Variants in NOX4 observed in about 807,000 individuals in gnomAD.
NOX4 encodes the protein NADPH oxidase 4.
A neutral mutation model predicts 87.6 loss-of-function variants in NOX4; 69 were observed. The observed-to-expected ratio is 0.79, with a 90% CI of 0.65 to 0.96. The LOEUF (loss-of-function observed/expected upper bound fraction) is 0.96. Ranked by LOEUF, NOX4 falls within the 40% of genes least tolerant of loss-of-function variation. The pLI, the probability that NOX4 is intolerant of heterozygous loss-of-function variation, is 0.00. For missense variants in NOX4, 680 were observed against 681.5 expected, an observed-to-expected ratio of 1.00 and a Z score of 0.02; for synonymous variants, 275 against 238.2, an observed-to-expected ratio of 1.15 and a Z score of -1.42.
intron 11 of NOX4, among the ~76,000 whole-genome samples, chr11:89,394,358 CA>C (rs35087685): frequency 0.56 from 84,923 of 150,446 alleles, 25,559 homozygotes; most frequent in African/African-American, 0.78. Context: ...TAAAAAACAA[CA>C]AAAAAAAAAC....
At chr11:89,484,701 A>C (rs1232353894) in intron 2 of NOX4, among the ~76,000 whole-genome samples, 1 of 152,170 alleles carries the variant, frequency 6.6e-6, no homozygotes, top group East Asian at 1.9e-4. Context: ...AAACTCTATG[A>C]ATCAGTGTCT....
intron 4 of NOX4, among the ~76,000 whole-genome samples, chr11:89,448,907 A>G (rs1431311845): frequency 6.6e-6 from 1 of 152,136 alleles, no homozygotes; most frequent in East Asian, 1.9e-4. Context: ...TAAAATGTTC[A>G]TGCATTTAAA....
the NOX4 span, among the ~76,000 whole-genome samples, chr11:89,564,715 G>A: frequency 1.3e-5 from 2 of 151,352 alleles, no homozygotes; most frequent in Non-Finnish European, 2.9e-5. Context: ...TTCTAATTTT[G>A]GAGGAGTTTT....
intron 12 of NOX4, among the ~76,000 whole-genome samples, chr11:89,366,443 C>G (rs966304301): frequency 1.1e-4 from 17 of 151,860 alleles, no homozygotes; most frequent in African/African-American, 3.6e-4. Flanking sequence ...TTTGGGAGGC[C>G]GAGGTGGGCT....
the NOX4 span, among the ~76,000 whole-genome samples, chr11:89,519,265 C>T: frequency 6.6e-6 from 1 of 151,858 alleles, no homozygotes; most frequent in Non-Finnish European, 1.5e-5. Flanking sequence ...TAGAAAATAT[C>T]TTGTATTTTT....
chr11:89,426,722 T>C (rs539369679), intron 7 of NOX4, among the ~76,000 whole-genome samples: 1 of 152,218 alleles, frequency 6.6e-6, no homozygotes, highest in South Asian at 2.1e-4. Context: ...CAAAGTGGCC[T>C]GGATGCTCAA....
At chr11:89,566,047 T>C in the NOX4 span, among the ~76,000 whole-genome samples, 2 of 148,910 alleles carry the variant, frequency 1.3e-5, no homozygotes, top group East Asian at 3.9e-4. Context: ...TTTTTTCTTT[T>C]TTTTTTTTTT....
intron 12 of NOX4, among the ~76,000 whole-genome samples, 163 bp from the exon 13 acceptor site, chr11:89,355,206 C>T (rs76811941): frequency 0.11 from 15,825 of 150,416 alleles, 1,057 homozygotes; most frequent in East Asian, 0.22. Context: ...CTAATATATA[C>T]ATAGTGTATG....
rs182640223 is a variant in NOX4, at chr11:89,429,375, G to A, written c.548+3409C>T. On this transcript the variant is annotated intron_variant, in intron 7 of 17. Coordinates refer to ENST00000263317, the MANE Select transcript of NOX4 (RefSeq NM_016931.5). ...AACTAAGATCAGAGAAGAACTGAAGGAGACAGAGACACAAAAAACCCTTCA... is the reference window on the plus strand; with the variant it reads ...AACTAAGATCAGAGAAGAACTGAAGAAGACAGAGACACAAAAAACCCTTCA... 3.2e-3 allele frequency among the ~76,000 whole-genome samples: 487 copies of A among 152,072 alleles called. 2 individuals carry two copies. Among genetic ancestry groups the A allele is most frequent in the Admixed American group, 7.0e-3 (107 of 15,278 alleles).
chr11:89,479,269 C>G (rs536701328), intron 2 of NOX4, among the ~76,000 whole-genome samples: 3 of 152,166 alleles, frequency 2.0e-5, no homozygotes, highest in African/African-American at 7.2e-5. Flanking sequence ...CAAAGAGAAT[C>G]AAAAGTATAG....
intron 11 of NOX4, among the ~76,000 whole-genome samples, chr11:89,395,731 A>G (rs1341273957): frequency 3.9e-5 from 6 of 152,018 alleles, no homozygotes; most frequent in South Asian, 2.1e-4. Context: ...CAACTAGCCA[A>G]TTTTCCCAGC....
In NOX4 at chr11:89,392,010, C is replaced by T. The variant is rs114379460; in HGVS notation, c.1074+8007G>A. On this transcript the variant is annotated intron_variant, in intron 11 of 17. Coordinates refer to ENST00000263317, the MANE Select transcript of NOX4 (RefSeq NM_016931.5). ...CCTTCCTTCCTCCTGTGCCCCCTCT[C>T]CCGACCTGGGATAATTTCCAGAGAA... Among the ~76,000 whole-genome samples, 855 of 151,006 alleles carry T rather than the reference C, an allele frequency of 5.7e-3. 5 individuals carry two copies. Among genetic ancestry groups the T allele is most frequent in the African/African-American group, 0.019 (796 of 41,064 alleles).
At chr11:89,358,148 G>A (rs1176962006) in intron 12 of NOX4, among the ~76,000 whole-genome samples, 1 of 152,042 alleles carries the variant, frequency 6.6e-6, no homozygotes, top group Non-Finnish European at 1.5e-5. Flanking sequence ...ACTTTGGGAG[G>A]CTGAGGCATG....
chr11:89,486,116 G>A (rs944459284), intron 2 of NOX4, among the ~76,000 whole-genome samples: 28 of 151,156 alleles, frequency 1.9e-4, no homozygotes, highest in Non-Finnish European at 2.9e-4. Flanking sequence ...ATTTTATTAC[G>A]AGAATAATAA....
chr11:89,541,921 T>G, the NOX4 span, among the ~76,000 whole-genome samples: 1 of 152,080 alleles, frequency 6.6e-6, no homozygotes, highest in African/African-American at 2.4e-5. Context: ...TCCTCCCACC[T>G]CAGCCTCCCA....
the NOX4 span, among the ~76,000 whole-genome samples, chr11:89,556,641 C>T: frequency 1.3e-5 from 2 of 151,960 alleles, no homozygotes; most frequent in Non-Finnish European, 2.9e-5. Context: ...TGGGAAGAGG[C>T]AAGTCAAAGA....
the NOX4 span, among the ~76,000 whole-genome samples, chr11:89,503,465 T>C: frequency 6.6e-6 from 1 of 151,966 alleles, no homozygotes; most frequent in African/African-American, 2.4e-5. Flanking sequence ...TTCGTTCTAC[T>C]ATTGATGATC....
At chr11:89,521,852 C>T in the NOX4 span, among the ~76,000 whole-genome samples, 56 of 152,014 alleles carry the variant, frequency 3.7e-4, no homozygotes, top group African/African-American at 1.0e-3. Context: ...ACAAATAACC[C>T]CATTAAAAAA....
At chr11:89,491,385 A>G (rs1454803982), upstream of NOX4, 1 of 774,396 alleles carries the variant, frequency 1.3e-6, no homozygotes, top group Non-Finnish European at 2.0e-6. Flanking sequence ...TGGAAGCCCG[A>G]AGGCCCGGCG....
Sources: gnomAD v4.1 joint callset for allele counts (sites outside exome capture counted in the v4.1 genomes callset) on GRCh38, gnomAD v4.1.1 for gene constraint, MANE v1.5 for transcripts, NCBI Gene and HGNC (gene_info 2026-07-23, HGNC 2026-07-21) for gene names.